MAPK6: variants seen among roughly 807,000 people sequenced by gnomAD.
MAPK6 encodes mitogen-activated protein kinase 6.
In MAPK6, 19 loss-of-function variants were observed where a neutral mutation model predicts 59.3. That is an observed-to-expected ratio of 0.32 (90% CI 0.22 to 0.47). The LOEUF (loss-of-function observed/expected upper bound fraction) is 0.47, where lower values mean the gene tolerates loss of function less well. Among genes scored for constraint, MAPK6 ranks in the 20% least tolerant of loss-of-function variants. MAPK6 has a pLI of 1.00. For synonymous variants in MAPK6, 316 were observed against 290.3 expected (o/e 1.09, Z -0.90); for missense variants, 724 against 847.9 (o/e 0.85, Z 1.81).
chr15:51,999,501 A>G (rs1172529487), intron 2 of MAPK6, among the ~76,000 whole-genome samples: 1 of 152,092 alleles, frequency 6.6e-6, no homozygotes, highest in Non-Finnish European at 1.5e-5. Context: ...TATTGAGTGA[A>G]GAGTTTTTTA....
chr15:52,001,789 G>A (rs1311451557), intron 2 of MAPK6, among the ~76,000 whole-genome samples: 1 of 152,072 alleles, frequency 6.6e-6, no homozygotes, highest in Non-Finnish European at 1.5e-5. Flanking sequence ...GATTATAGGC[G>A]TGATCCGCCA....
intron 3 of MAPK6, among the ~76,000 whole-genome samples, chr15:52,005,256 G>A (rs966168049): frequency 1.3e-5 from 2 of 152,094 alleles, no homozygotes; most frequent in Admixed American, 6.6e-5. Flanking sequence ...CAGGTGCGGT[G>A]GCTCATGCCT....
intron 1 of MAPK6, chr15:52,042,867 G>T (rs769653655): frequency 6.6e-6 from 1 of 152,198 alleles, no homozygotes; most frequent in African/African-American, 2.4e-5. Flanking sequence ...TTCAGGTAGA[G>T]ACTAGAGATG....
At chr15:52,028,845 A>C (rs936409794) in intron 1 of MAPK6, among the ~76,000 whole-genome samples, 6 of 152,162 alleles carry the variant, frequency 3.9e-5, no homozygotes, top group African/African-American at 1.4e-4. Flanking sequence ...AGCCTACTAC[A>C]GATTGGCCTC....
intron 2 of MAPK6, among the ~76,000 whole-genome samples, chr15:51,999,441 G>A (rs900750971): frequency 2.6e-5 from 4 of 152,052 alleles, no homozygotes; most frequent in African/African-American, 9.7e-5. Context: ...TTGGAGAAAT[G>A]TCTATCAAAT....
At chr15:51,996,551 A>G (rs2057224734) in intron 2 of MAPK6, among the ~76,000 whole-genome samples, 1 of 151,412 alleles carries the variant, frequency 6.6e-6, no homozygotes, top group African/African-American at 2.4e-5. Context: ...ATGTGCCACC[A>G]TGCCCAGCTA....
intron 2 of MAPK6, among the ~76,000 whole-genome samples, chr15:51,992,297 A>G (rs1019362588): frequency 3.4e-5 from 2 of 58,454 alleles, no homozygotes; most frequent in Non-Finnish European, 7.8e-5. Flanking sequence ...CTATCTATAT[A>G]TATATATATT....
At chr15:52,029,396 GT>G (rs895914792) in intron 1 of MAPK6, among the ~76,000 whole-genome samples, 4 of 150,272 alleles carry the variant, frequency 2.7e-5, no homozygotes, top group African/African-American at 9.8e-5. Context: ...AAACTCCTGG[GT>G]TTTTTTTTCA....
intron 5 of MAPK6, among the ~76,000 whole-genome samples, chr15:52,062,067 A>ATTTTT (rs59641315): frequency 8.7e-5 from 12 of 137,506 alleles, no homozygotes; most frequent in African/African-American, 3.0e-4. Context: ...TAGATGCAGG[A>ATTTTT]TTTTTTTTTT....
At chr15:52,060,360 G>A (rs909238359) in intron 4 of MAPK6, among the ~76,000 whole-genome samples, 1 of 152,244 alleles carries the variant, frequency 6.6e-6, no homozygotes, top group Non-Finnish European at 1.5e-5. Flanking sequence ...TGACCATAGT[G>A]AAGAGGTAGG....
At chr15:52,052,899 AT>A (rs1232695685) in intron 3 of MAPK6, among the ~76,000 whole-genome samples, 1 of 152,158 alleles carries the variant, frequency 6.6e-6, no homozygotes, top group African/African-American at 2.4e-5. Context: ...TCTTGGGTAT[AT>A]ATACCTAGGA....
chr15:52,044,093 C>G (rs2031524774), intron 1 of MAPK6, among the ~76,000 whole-genome samples: 1 of 151,706 alleles, frequency 6.6e-6, no homozygotes, highest in African/African-American at 2.4e-5. Context: ...TTTTTTAATT[C>G]AAAAGTTTAT....
intron 1 of MAPK6, among the ~76,000 whole-genome samples, chr15:52,022,951 A>G (rs1276388713): frequency 1.3e-5 from 2 of 152,022 alleles, no homozygotes; most frequent in Non-Finnish European, 1.5e-5. Context: ...CTAATAAAAT[A>G]CAAAAATTAG....
intron 2 of MAPK6, among the ~76,000 whole-genome samples, chr15:52,002,523 T>A (rs961710886): frequency 1.3e-5 from 2 of 152,170 alleles, no homozygotes; most frequent in African/African-American, 4.8e-5. Flanking sequence ...GCCCTTGGGA[T>A]CGACATCTGT....
chr15:52,032,956 G>C (rs979464295), intron 1 of MAPK6, among the ~76,000 whole-genome samples: 1 of 151,554 alleles, frequency 6.6e-6, no homozygotes, highest in Non-Finnish European at 1.5e-5. Flanking sequence ...AAGTGCTGGG[G>C]TTACAGGCGT....
intron 3 of MAPK6, among the ~76,000 whole-genome samples, chr15:52,053,884 G>C (rs904512603): frequency 4.0e-5 from 6 of 151,608 alleles, no homozygotes; most frequent in African/African-American, 1.5e-4. Context: ...TGATCCACTC[G>C]CCTCAGCCTC....
At chr15:52,061,759 C>A (rs2032211729) in intron 5 of MAPK6, among the ~76,000 whole-genome samples, 1 of 152,014 alleles carries the variant, frequency 6.6e-6, no homozygotes, top group African/African-American at 2.4e-5. Context: ...GGCAATAGAG[C>A]AAGACTCCAT....
At chr15:51,992,406 A>G (rs1396501600) in intron 2 of MAPK6, among the ~76,000 whole-genome samples, 2 of 150,326 alleles carry the variant, frequency 1.3e-5, no homozygotes, top group East Asian at 3.9e-4. Context: ...GGTTCACACC[A>G]TTCTCCTGCC....
chr15:52,044,168 C>CT (rs202223637), intron 1 of MAPK6, among the ~76,000 whole-genome samples: 5 of 150,428 alleles, frequency 3.3e-5, no homozygotes, highest in East Asian at 1.9e-4. Flanking sequence ...ATTTTTAGGA[C>CT]TTTTTTTTTG....
Sources: allele counts gnomAD v4.1 joint callset (sites outside exome capture counted in the v4.1 genomes callset), GRCh38; gene constraint gnomAD v4.1.1; transcripts MANE v1.5; gene names NCBI Gene and HGNC (gene_info 2026-07-23, HGNC 2026-07-21).